The following NETO1 variants were observed in gnomAD, a reference collection of about 807,000 sequenced individuals.
NETO1 encodes the protein neuropilin and tolloid like 1.
NETO1 carries 26 observed loss-of-function variants against 61.3 expected under a neutral mutation model. The ratio of observed to expected loss-of-function variants is 0.42; its 90% CI spans 0.31 to 0.59. NETO1 has a LOEUF of 0.59. Among genes scored for constraint, NETO1 ranks in the 20% least tolerant of loss-of-function variants. NETO1 has a pLI of 0.12. For missense variants in NETO1, 531 were observed against 662.8 expected (o/e 0.80, Z 2.18); for synonymous variants, 225 against 225.8 (o/e 1.00, Z 0.03).
At chr18:72,862,902 G>C (rs1036660308) in intron 3 of NETO1, among the ~76,000 whole-genome samples, 2 of 152,106 alleles carry the variant, frequency 1.3e-5, no homozygotes, top group Admixed American at 6.6e-5. Flanking sequence ...TTACAGGTGT[G>C]AGCCACCACG....
chr18:72,804,535 C>A (rs779264854), intron 4 of NETO1, among the ~76,000 whole-genome samples: 8 of 152,158 alleles, frequency 5.3e-5, no homozygotes, highest in Non-Finnish European at 8.8e-5. Context: ...TGATCTAAGA[C>A]CTAAACAGCT....
chr18:72,812,026 C>A (rs1403487421), intron 4 of NETO1, among the ~76,000 whole-genome samples: 2 of 152,196 alleles, frequency 1.3e-5, no homozygotes, highest in African/African-American at 2.4e-5. Flanking sequence ...ACAGTGACTG[C>A]AGCCTTAAAA....
downstream of NETO1, among the ~76,000 whole-genome samples, chr18:72,743,140 T>A (rs2070367910): frequency 6.6e-6 from 1 of 152,204 alleles, no homozygotes; most frequent in Non-Finnish European, 1.5e-5. Flanking sequence ...AAAGTGTAAA[T>A]TCCTTTGGAT....
chr18:72,770,987 A>G (rs1183022911), intron 7 of NETO1, among the ~76,000 whole-genome samples: 4 of 152,214 alleles, frequency 2.6e-5, no homozygotes, highest in Non-Finnish European at 5.9e-5. Context: ...AAAGAAGTTA[A>G]AAAGGATTAA....
rs558135678 is a variant in NETO1, at chr18:72,799,871, T to G, written c.470-5467A>C. On this transcript the variant is annotated intron_variant, in intron 4 of 10. Coordinates refer to ENST00000327305, the MANE Select transcript of NETO1 (RefSeq NM_138966.5). ...ACACATTTCAGTAACACAGATTCAG[T>G]TACAAAACTTGCTTACTTGTGCGAC... 5.1e-4 allele frequency among the ~76,000 whole-genome samples: 78 copies of G among 152,352 alleles called. 1 individual carries two copies. Among genetic ancestry groups the G allele is most frequent in the Admixed American group, 1.5e-3 (23 of 15,304 alleles).
Position 72,744,210 on chromosome 18 carries a change from T to C in NETO1, c.*3969A>G, listed in dbSNP as rs2070384340. 6.6e-6 allele frequency: 1 copy of C among 152,186 alleles called. No individual in the cohort carries two copies. Among genetic ancestry groups the C allele is most frequent in the African/African-American group, 2.4e-5 (1 of 41,448 alleles). 9.4% of individuals were successfully genotyped at this position (152,186 alleles called of 1,614,324 possible). Reference sequence around the variant, plus strand: ...TGTCTGACATCAGTCACCCTAATTGTTATTTTTATTACCCTGTTTTATTTA... The same window carrying C: ...TGTCTGACATCAGTCACCCTAATTGCTATTTTTATTACCCTGTTTTATTTA... On this transcript the variant is annotated 3_prime_UTR_variant, in exon 11 of 11. Coordinates refer to ENST00000327305, the MANE Select transcript of NETO1 (RefSeq NM_138966.5).
chr18:72,747,468 A>C lies in NETO1; in HGVS notation c.*711T>G, dbSNP rs1168252955. 2 of 141,678 alleles carry C rather than the reference A, an allele frequency of 1.4e-5. No homozygotes were observed. The highest frequency in any genetic ancestry group is 3.2e-5 in the Non-Finnish European group (2 of 62,434). The allele number at this position is 141,678 out of a possible 1,614,324, so 8.8% of individuals were successfully genotyped here. ...AAAAACATTTCTACTGTAGAGTATG[A>C]ATGGTAAAATACCTGACTTCAAAAA... On this transcript the variant is annotated 3_prime_UTR_variant, in exon 11 of 11. Transcript: ENST00000327305.
intron 3 of NETO1, among the ~76,000 whole-genome samples, chr18:72,862,028 T>A (rs2074587455): frequency 6.6e-6 from 1 of 152,164 alleles, no homozygotes; most frequent in East Asian, 1.9e-4. Context: ...CACCTGACCC[T>A]CCTGCCTAAC....
intron 4 of NETO1, among the ~76,000 whole-genome samples, chr18:72,843,544 A>C (rs1340714218): frequency 6.6e-6 from 1 of 152,108 alleles, no homozygotes; most frequent in Non-Finnish European, 1.5e-5. Flanking sequence ...GAACTACTAA[A>C]CCCAATATTA....
intron 7 of NETO1, among the ~76,000 whole-genome samples, chr18:72,774,721 A>G (rs2071487134): frequency 6.6e-6 from 1 of 152,230 alleles, no homozygotes; most frequent in Non-Finnish European, 1.5e-5. Flanking sequence ...GTTAGCCTCA[A>G]AATACATTTA....
At chr18:72,757,386 C>A (rs938184069) in intron 7 of NETO1, among the ~76,000 whole-genome samples, 1 of 116,652 alleles carries the variant, frequency 8.6e-6, no homozygotes, top group Non-Finnish European at 1.8e-5. Flanking sequence ...TTTAATACTC[C>A]GAGAGAAATC....
chr18:72,839,017 C>T (rs1294126581), intron 4 of NETO1, among the ~76,000 whole-genome samples: 1 of 152,084 alleles, frequency 6.6e-6, no homozygotes, highest in East Asian at 1.9e-4. Context: ...AAAGATTTTG[C>T]CCGTTGTTAT....
At chr18:72,834,448 C>T (rs1246951213) in intron 4 of NETO1, 5 of 979,788 alleles carry the variant, frequency 5.1e-6, no homozygotes, top group South Asian at 4.7e-5. Flanking sequence ...CACAGAAAAA[C>T]ATATCTGGGG....
intron 9 of NETO1, among the ~76,000 whole-genome samples, chr18:72,749,531 TAATATA>T (rs2070521743): frequency 6.6e-6 from 1 of 152,150 alleles, no homozygotes; most frequent in African/African-American, 2.4e-5. Flanking sequence ...ATGCAATTCC[TAATATA>T]AATATTATGT....
At chr18:72,834,316 A>G (rs1359724642) in intron 4 of NETO1, 6 of 863,594 alleles carry the variant, frequency 6.9e-6, no homozygotes, top group Non-Finnish European at 8.3e-6. Flanking sequence ...ACAAAACTGT[A>G]GTTTAACCAG....
At chr18:72,809,287 C>T (rs1205435989) in intron 4 of NETO1, among the ~76,000 whole-genome samples, 2 of 152,114 alleles carry the variant, frequency 1.3e-5, no homozygotes, top group East Asian at 1.9e-4. Flanking sequence ...ACAAAACAGA[C>T]TCAAAACCCA....
intron 6 of NETO1, among the ~76,000 whole-genome samples, chr18:72,786,915 A>AAAAC (rs968103730): frequency 6.6e-5 from 10 of 151,556 alleles, no homozygotes; most frequent in East Asian, 2.0e-4. Flanking sequence ...CCCCATCTCC[A>AAAAC]AAACAAACAA....
chr18:72,785,112 T>C (rs2071869465), intron 6 of NETO1, among the ~76,000 whole-genome samples: 1 of 152,236 alleles, frequency 6.6e-6, no homozygotes, highest in African/African-American at 2.4e-5. Context: ...CGCTATTTCC[T>C]CTTAAATGCA....
At chr18:72,776,360 C>A (rs2071547590) in intron 7 of NETO1, among the ~76,000 whole-genome samples, 1 of 152,182 alleles carries the variant, frequency 6.6e-6, no homozygotes, top group African/African-American at 2.4e-5. Context: ...ATACATCCCA[C>A]AAGGTTACCC....
Sources: allele counts gnomAD v4.1 joint callset (sites outside exome capture counted in the v4.1 genomes callset), GRCh38; gene constraint gnomAD v4.1.1; transcripts MANE v1.5; gene names NCBI Gene and HGNC (gene_info 2026-07-23, HGNC 2026-07-21).